The following ESRRG variants were observed in gnomAD, a reference collection of about 807,000 sequenced individuals.
ESRRG encodes estrogen related receptor gamma.
ESRRG carries 13 observed loss-of-function variants against 44.0 expected under a neutral mutation model. The ratio of observed to expected loss-of-function variants is 0.30; its 90% CI spans 0.19 to 0.47. The LOEUF is 0.47. Among genes scored for constraint, ESRRG ranks in the 20% least tolerant of loss-of-function variants. ESRRG has a pLI of 1.00. For missense variants in ESRRG, 395 were observed against 580.6 expected, an observed-to-expected ratio of 0.68 and a Z score of 3.29; for synonymous variants, 215 against 214.6, an observed-to-expected ratio of 1.00 and a Z score of -0.02.
intron 1 of ESRRG, among the ~76,000 whole-genome samples, chr1:217,104,554 A>T (rs1329175539): frequency 6.6e-6 from 1 of 152,186 alleles, no homozygotes; most frequent in Admixed American, 6.5e-5. Flanking sequence ...ATACAAATGA[A>T]ATCAAGTGAG....
In ESRRG at chr1:216,679,214, T is replaced by A. The variant is rs369423010; in HGVS notation, c.57-1723A>T. ...CAAGAACTAGCGAAAGAAAAAAATA[T>A]CCCCCTCGCCAGCCTGAACTACGGC... is the stretch of plus-strand genomic sequence containing the variant. On this transcript the variant is annotated intron_variant, in intron 1 of 6. Transcript: ENST00000408911. Among the ~76,000 whole-genome samples, 23 of 152,242 alleles carry A rather than the reference T, an allele frequency of 1.5e-4. No homozygotes were observed. In the East Asian group the frequency reaches 2.7e-3, roughly 18 times the overall value.
chr1:216,914,756 G>A (rs2060929373), intron 2 of ESRRG, among the ~76,000 whole-genome samples: 1 of 152,084 alleles, frequency 6.6e-6, no homozygotes, highest in Non-Finnish European at 1.5e-5. Flanking sequence ...CCATTTGCAT[G>A]AGGTCACCAT....
At chr1:217,037,887 C>T (rs143263586) in intron 1 of ESRRG, among the ~76,000 whole-genome samples, 3,786 of 152,266 alleles carry the variant, frequency 0.025, 160 homozygotes, top group African/African-American at 0.086. Context: ...CATGCAAGTC[C>T]GAAATCCAGT....
intron 1 of ESRRG, among the ~76,000 whole-genome samples, chr1:216,993,752 G>A (rs918997405): frequency 6.6e-5 from 10 of 152,196 alleles, no homozygotes; most frequent in African/African-American, 2.4e-4. Flanking sequence ...ATATTGGGTA[G>A]AGATTGCGCT....
chr1:216,931,358 A>G (rs1467715426), intron 2 of ESRRG, among the ~76,000 whole-genome samples: 1 of 152,172 alleles, frequency 6.6e-6, no homozygotes, highest in East Asian at 1.9e-4. Flanking sequence ...GTGTAAAATA[A>G]GAGAAATTCA....
intron 2 of ESRRG, among the ~76,000 whole-genome samples, chr1:216,904,716 G>T (rs2059494335): frequency 6.6e-6 from 1 of 152,140 alleles, no homozygotes; most frequent in Admixed American, 6.5e-5. Flanking sequence ...ATCATTAGGT[G>T]GGTTCAGATT....
At chr1:216,714,682 T>G (rs2084417600) in intron 1 of ESRRG, 1 of 349,334 alleles carries the variant, frequency 2.9e-6, no homozygotes, top group Non-Finnish European at 4.0e-6. Context: ...GTTTTTAACC[T>G]CTTATTATTT....
intron 2 of ESRRG, among the ~76,000 whole-genome samples, chr1:216,811,069 G>T (rs572766129): frequency 1.3e-5 from 2 of 152,088 alleles, no homozygotes; most frequent in East Asian, 3.9e-4. Flanking sequence ...ATAACAATGA[G>T]TAAAATACTG....
intron 1 of ESRRG, among the ~76,000 whole-genome samples, chr1:217,109,332 G>C (rs1580598891): frequency 6.6e-6 from 1 of 152,148 alleles, no homozygotes; most frequent in Non-Finnish European, 1.5e-5. Context: ...AAACACAAAA[G>C]AGATGGACTA....
intron 2 of ESRRG, among the ~76,000 whole-genome samples, chr1:216,768,480 A>ATCTATCTATCTATCTATCTGTCTG (rs1553593172): frequency 5.2e-4 from 78 of 150,282 alleles, no homozygotes; most frequent in African/African-American, 1.8e-3. Context: ...CTATCTATCT[A>ATCTATCTATCTATCTATCTGTCTG]TCTATCTATC....
At position 217,077,864 on chromosome 1, in the gene ESRRG, G is replaced by T. The variant is rs1215052183; in HGVS notation, c.-106+11643C>A. 2.0e-5 allele frequency among the ~76,000 whole-genome samples: 3 copies of T among 152,104 alleles called. No homozygotes were observed. In the East Asian group the frequency reaches 5.8e-4, roughly 29 times the overall value. ...TACAATTCCTAATAAAAATTTAGAA[G>T]TTTTATAGTTTAATGCCCACAGTAA... On this transcript the variant is annotated intron_variant, in intron 1 of 7. Transcript: ENST00000359162.
intron 1 of ESRRG, among the ~76,000 whole-genome samples, chr1:216,974,852 C>A (rs552370382): frequency 6.6e-6 from 1 of 151,472 alleles, no homozygotes; most frequent in South Asian, 2.1e-4. Flanking sequence ...AGGGCAGTTT[C>A]TGGGTTACAC....
chr1:217,085,778 C>T (rs927929013), intron 1 of ESRRG, among the ~76,000 whole-genome samples: 5 of 152,034 alleles, frequency 3.3e-5, no homozygotes, highest in Non-Finnish European at 7.4e-5. Flanking sequence ...CATGAGTGAG[C>T]CACTGTGCCC....
chr1:216,728,981 C>A (rs539032729), intron 2 of ESRRG, among the ~76,000 whole-genome samples: 1 of 152,074 alleles, frequency 6.6e-6, no homozygotes, highest in Non-Finnish European at 1.5e-5. Context: ...TTTGTCAGAC[C>A]TGGAAGAAGG....
chr1:216,970,830 T>C (rs1210912657), intron 1 of ESRRG, among the ~76,000 whole-genome samples: 1 of 152,204 alleles, frequency 6.6e-6, no homozygotes, highest in African/African-American at 2.4e-5. Context: ...GGAGCCAAAA[T>C]TGTGGATTCC....
At chr1:216,855,459 TAAGAA>T (rs1559880817) in intron 2 of ESRRG, among the ~76,000 whole-genome samples, 1 of 152,120 alleles carries the variant, frequency 6.6e-6, no homozygotes, top group South Asian at 2.1e-4. Context: ...ATTTTACAGA[TAAGAA>T]AAGTTCAACT....
At chr1:216,618,429 T>A (rs2061715585) in intron 3 of ESRRG, among the ~76,000 whole-genome samples, 1 of 152,232 alleles carries the variant, frequency 6.6e-6, no homozygotes, top group African/African-American at 2.4e-5. Context: ...AGGAATTGAA[T>A]CTGCCACCTT....
At chr1:216,973,333 GC>G (rs1241416376) in intron 1 of ESRRG, among the ~76,000 whole-genome samples, 1 of 152,054 alleles carries the variant, frequency 6.6e-6, no homozygotes, top group Non-Finnish European at 1.5e-5. Context: ...AGGAACTTCA[GC>G]CCAGTCCTTC....
chr1:216,783,812 C>T (rs1351624138), intron 2 of ESRRG, among the ~76,000 whole-genome samples: 3 of 152,022 alleles, frequency 2.0e-5, no homozygotes, highest in Admixed American at 2.0e-4. Flanking sequence ...CCTGACTCTT[C>T]CGACGTTTTC....
Sources: allele counts gnomAD v4.1 joint callset (sites outside exome capture counted in the v4.1 genomes callset), GRCh38; gene constraint gnomAD v4.1.1; transcripts MANE v1.5; gene names NCBI Gene and HGNC (gene_info 2026-07-23, HGNC 2026-07-21).